Variants in TMEM117 observed in about 807,000 individuals in gnomAD.
TMEM117 encodes transmembrane protein 117.
Under a neutral mutation model 52.4 loss-of-function variants are expected in TMEM117, and 27 were observed. The observed-to-expected ratio is 0.51, with a 90% confidence interval of 0.38 to 0.71. The LOEUF (loss-of-function observed/expected upper bound fraction) is 0.71. TMEM117 is among the 30% of genes least tolerant of loss of function. The pLI, the probability that TMEM117 is intolerant of heterozygous loss-of-function variation, is 0.00. For synonymous variants in TMEM117, 215 were observed against 206.3 expected (o/e 1.04, Z -0.36); for missense variants, 556 against 630.5 (o/e 0.88, Z 1.26).
chr12:43,885,924 A>G (rs1275211443), intron 2 of TMEM117, among the ~76,000 whole-genome samples: 1 of 152,226 alleles, frequency 6.6e-6, no homozygotes, highest in Non-Finnish European at 1.5e-5. Context: ...GGTATGAGAC[A>G]TTTTACTATG....
At chr12:44,188,455 A>G (rs1357456588) in intron 4 of TMEM117, among the ~76,000 whole-genome samples, 1 of 152,148 alleles carries the variant, frequency 6.6e-6, no homozygotes, top group East Asian at 1.9e-4. Flanking sequence ...AGTCAGCCCT[A>G]ACTATGCCAT....
intron 5 of TMEM117, among the ~76,000 whole-genome samples, chr12:44,213,410 C>T (rs1391710448): frequency 2.0e-5 from 3 of 152,184 alleles, no homozygotes; most frequent in Admixed American, 2.0e-4. Flanking sequence ...CTACAAAATT[C>T]CCCACATGGG....
At chr12:44,380,130 T>A (rs1164531999) in intron 7 of TMEM117, among the ~76,000 whole-genome samples, 2 of 152,196 alleles carry the variant, frequency 1.3e-5, no homozygotes, top group African/African-American at 4.8e-5. Flanking sequence ...ATCTCAGCTT[T>A]AATTTGTTTT....
chr12:44,149,751 T>C (rs932581719), intron 4 of TMEM117, among the ~76,000 whole-genome samples: 4 of 152,224 alleles, frequency 2.6e-5, no homozygotes, highest in Non-Finnish European at 5.9e-5. Context: ...AGTTTGACAA[T>C]GCATATTATA....
chr12:43,866,864 G>A (rs1251472877), intron 2 of TMEM117, among the ~76,000 whole-genome samples: 1 of 152,226 alleles, frequency 6.6e-6, no homozygotes, highest in Non-Finnish European at 1.5e-5. Context: ...GCTGAGGCGG[G>A]TGGATCACCT....
chr12:44,365,301 G>C (rs188403222), intron 6 of TMEM117, among the ~76,000 whole-genome samples: 5 of 152,022 alleles, frequency 3.3e-5, no homozygotes, highest in African/African-American at 1.2e-4. Context: ...AAAATCCTAA[G>C]AAAATATTAT....
At chr12:43,810,939 T>C in the TMEM117 span, among the ~76,000 whole-genome samples, 1 of 152,216 alleles carries the variant, frequency 6.6e-6, no homozygotes, top group Non-Finnish European at 1.5e-5. Flanking sequence ...ATGTTAATAA[T>C]GGGAACAGTA....
chr12:44,195,062 A>G (rs1949400778), intron 4 of TMEM117, among the ~76,000 whole-genome samples: 1 of 152,206 alleles, frequency 6.6e-6, no homozygotes, highest in South Asian at 2.1e-4. Context: ...AACAAGACAC[A>G]TTTGATAGCT....
intron 2 of TMEM117, among the ~76,000 whole-genome samples, chr12:43,865,438 T>G (rs1178593039): frequency 6.6e-6 from 1 of 152,218 alleles, no homozygotes; most frequent in Non-Finnish European, 1.5e-5. Context: ...GGCTCAGACC[T>G]GTAATCCCAG....
intron 3 of TMEM117, among the ~76,000 whole-genome samples, chr12:44,114,847 A>T (rs1019164675): frequency 6.6e-6 from 1 of 152,210 alleles, no homozygotes; most frequent in Non-Finnish European, 1.5e-5. Flanking sequence ...TACTACTTCC[A>T]CATTTCCTGT....
intron 6 of TMEM117, among the ~76,000 whole-genome samples, chr12:44,354,172 A>G (rs1395010046): frequency 6.6e-6 from 1 of 152,138 alleles, no homozygotes; most frequent in East Asian, 1.9e-4. Context: ...GAAGTTGCTT[A>G]TCAGCTGAAG....
At chr12:44,350,614 C>T (rs574931866) in intron 6 of TMEM117, among the ~76,000 whole-genome samples, 1 of 152,032 alleles carries the variant, frequency 6.6e-6, no homozygotes, top group Admixed American at 6.6e-5. Flanking sequence ...TGAGAACGTG[C>T]AATGTTTGTC....
At chr12:43,841,889 T>G (rs1943121418) in intron 1 of TMEM117, among the ~76,000 whole-genome samples, 1 of 152,204 alleles carries the variant, frequency 6.6e-6, no homozygotes, top group African/African-American at 2.4e-5. Context: ...GCCTTAATTC[T>G]GTGTGTTCAT....
rs149320729 is a variant in TMEM117, at chr12:43,863,218, C to T, written c.277+18290C>T. On this transcript the variant is annotated intron_variant, in intron 2 of 7. Coordinates refer to ENST00000266534, the MANE Select transcript of TMEM117 (RefSeq NM_032256.3). The stretch of plus-strand genomic sequence containing the variant: ...CCAGGATTGTGCCACTGCACTCCAG[C>T]CTGGGCAACAAAGCGAAACTCTGTC... Among the ~76,000 whole-genome samples the T allele has an allele frequency of 4.5e-3, 691 of 152,186 alleles. 6 individuals carry two copies. Among genetic ancestry groups the T allele is most frequent in the African/African-American group, 0.015 (639 of 41,526 alleles).
intron 5 of TMEM117, among the ~76,000 whole-genome samples, chr12:44,231,716 G>T (rs1413999176): frequency 6.6e-6 from 1 of 151,638 alleles, no homozygotes. Flanking sequence ...CCTGATTATT[G>T]TATTGACCAT....
chr12:44,289,475 G>A (rs534893280), intron 5 of TMEM117, among the ~76,000 whole-genome samples: 1 of 151,304 alleles, frequency 6.6e-6, no homozygotes, highest in Non-Finnish European at 1.5e-5. Flanking sequence ...CTTACTGTTT[G>A]CCATACTTGC....
At chr12:44,303,610 G>A (rs913703593) in intron 6 of TMEM117, among the ~76,000 whole-genome samples, 9 of 152,136 alleles carry the variant, frequency 5.9e-5, no homozygotes, top group Non-Finnish European at 1.2e-4. Context: ...CACATGCTAC[G>A]TACAGGACAC....
At chr12:44,089,888 T>C (rs1947634311) in intron 3 of TMEM117, among the ~76,000 whole-genome samples, 1 of 152,218 alleles carries the variant, frequency 6.6e-6, no homozygotes, top group Admixed American at 6.5e-5. Flanking sequence ...TAGGTGTGGC[T>C]GTGTTCCAAC....
chr12:44,300,956 G>A (rs1031712284), intron 6 of TMEM117, among the ~76,000 whole-genome samples: 7 of 152,134 alleles, frequency 4.6e-5, no homozygotes, highest in African/African-American at 1.7e-4. Flanking sequence ...ATGCAATAAT[G>A]TATCATGCAT....
Sources: allele counts gnomAD v4.1 joint callset (sites outside exome capture counted in the v4.1 genomes callset), GRCh38; gene constraint gnomAD v4.1.1; transcripts MANE v1.5; gene names NCBI Gene and HGNC (gene_info 2026-07-23, HGNC 2026-07-21).